Variants in TEKT2 observed in about 807,000 individuals in gnomAD.
TEKT2 encodes tektin-2.
In TEKT2, 45 loss-of-function variants were observed where a neutral mutation model predicts 49.8. That is an observed-to-expected ratio of 0.90 (90% confidence interval 0.71 to 1.16). The LOEUF (loss-of-function observed/expected upper bound fraction) is 1.16, where lower values mean the gene tolerates loss of function less well. TEKT2 is among the 50% of genes most tolerant of loss of function. The pLI is 0.00. For synonymous variants in TEKT2, 202 were observed against 224.6 expected, an observed-to-expected ratio of 0.90 and a Z score of 0.90; for missense variants, 523 against 551.4, an observed-to-expected ratio of 0.95 and a Z score of 0.52.
In TEKT2 at chr1:36,084,935, G is replaced by A. The variant is rs756536664; in HGVS notation, c.14G>A (p.Ser5Asn). 2 of 1,613,988 alleles carry A rather than the reference G, an allele frequency of 1.2e-6. No individual in the cohort carries two copies. Among genetic ancestry groups the A allele is most frequent in the South Asian group, 1.1e-5 (1 of 91,078 alleles). Residue 5 changes from serine (S) to asparagine (N), a missense_variant, in exon 2 of 10, where the codon AGC (serine) becomes AAC (asparagine). Coordinates refer to ENST00000207457, the MANE Select transcript of TEKT2 (RefSeq NM_014466.3). This position sits in a 1 kb window ranked among gnomAD's most constrained non-coding sequence, Gnocchi z 4.1. MATL[S>N]VKPSRRFQLP... ...GGTTTCTGTGCCATGGCCACGCTGA[G>A]CGTCAAGCCAAGTCGGCGCTTCCAG... is the stretch of plus-strand genomic sequence containing the variant.
intron 4 of TEKT2, 44 bp downstream of exon 4, chr1:36,086,085 G>A (rs1643368839): frequency 1.3e-6 from 2 of 1,546,794 alleles, no homozygotes; most frequent in Admixed American, 2.0e-5. Flanking sequence ...GGCCCCTGGA[G>A]GCTGTGTGCC....
At position 36,085,514 on chromosome 1, in the gene TEKT2, T is replaced by C. The variant is rs1264930061; in HGVS notation, c.282+226T>C. ...TTTTTCTTTCTTTCTTTTCTTTTTT[T>C]TTTTTTTTTTTTTTTTTTGAGACAG... On this transcript the variant is annotated intron_variant, in intron 3 of 9. Coordinates refer to ENST00000207457, the MANE Select transcript of TEKT2 (RefSeq NM_014466.3). Among the ~76,000 whole-genome samples, 372 of 134,628 alleles carry C rather than the reference T, an allele frequency of 2.8e-3. 1 individual carries two copies. The highest frequency in any genetic ancestry group is 9.2e-3 in the African/African-American group (327 of 35,452). The allele number at this position is 134,628 out of a possible 152,430, so 88.3% of individuals were successfully genotyped here.
At position 36,084,884 on chromosome 1, in the gene TEKT2, C is replaced by T. The variant is rs1232934106; in HGVS notation, c.-38C>T. 1 of 1,612,434 alleles carries T rather than the reference C, an allele frequency of 6.2e-7. No homozygotes were observed. Among genetic ancestry groups the T allele is most frequent in the African/African-American group, 1.3e-5 (1 of 74,890 alleles). On this transcript the variant is annotated 5_prime_UTR_variant, in exon 2 of 10. Transcript: ENST00000207457. The surrounding 1 kb of genome is among the most constrained non-coding windows in gnomAD (Gnocchi z 4.1). ...TCCCTCTGCAGGTGGTGTCTGTGAA[C>T]AGGCCTAGGGGTTTCTGACCCTTCT...
At position 36,084,531 on chromosome 1, in the gene TEKT2, G is replaced by C. The variant is rs1415047363; in HGVS notation, c.-52-339G>C. 1 of 339,082 alleles carries C rather than the reference G, an allele frequency of 2.9e-6. No individual in the cohort carries two copies. Among genetic ancestry groups the C allele is most frequent in the Non-Finnish European group, 5.6e-6 (1 of 177,826 alleles). The allele number at this position is 339,082 out of a possible 1,614,324, so 21.0% of individuals were successfully genotyped here. A position where few individuals can be genotyped will look rare whatever the true frequency, so the allele number is the denominator to read the frequency against. On this transcript the variant is annotated intron_variant, in intron 1 of 9. Coordinates refer to ENST00000207457, the MANE Select transcript of TEKT2 (RefSeq NM_014466.3). The surrounding 1 kb of genome is among the most constrained non-coding windows in gnomAD (Gnocchi z 4.1). ...ACAAGGCATGGTTGGCTGGGGGCAG[G>C]TGTGGAAAATGCATTAAGGGCAATT...
intron 3 of TEKT2, 58 bp from the exon 4 acceptor site, chr1:36,085,778 C>T (rs1409601479): frequency 1.3e-6 from 2 of 1,558,492 alleles, no homozygotes; most frequent in African/African-American, 1.4e-5. Flanking sequence ...ACTCGGCCTC[C>T]CGAAGTGCTG....
rs1643421607 is a variant in TEKT2, at chr1:36,088,269, G to T, written c.*83G>T. ...AGAAATGAATGGAATAAATGCAGAG[G>T]ATCTCAGGCCGGCTGTTCTCTGCCC... On this transcript the variant is annotated 3_prime_UTR_variant, in exon 10 of 10. Transcript: ENST00000207457. 22 of 1,283,196 alleles carry T rather than the reference G, an allele frequency of 1.7e-5. No individual in the cohort carries two copies. The highest frequency in any genetic ancestry group is 2.4e-5 in the Non-Finnish European group (22 of 910,698). 79.5% of individuals were successfully genotyped at this position (1,283,196 alleles called of 1,614,324 possible).
At chr1:36,086,279 T>A (rs886233305) in intron 4 of TEKT2, among the ~76,000 whole-genome samples, 1 of 152,124 alleles carries the variant, frequency 6.6e-6, no homozygotes, top group Admixed American at 6.5e-5. Context: ...ATTGGAAGCA[T>A]GAGAGGTGAC....
In TEKT2 at chr1:36,088,037, A is replaced by G. The variant is rs763634723; in HGVS notation, c.1144A>G (p.Asn382Asp). 6.8e-6 allele frequency: 11 copies of G among 1,612,792 alleles called. No individual in the cohort carries two copies. The South Asian group carries it at 1.2e-4, about 18-fold the overall frequency. Residue 382 changes from asparagine to aspartate, a missense_variant, in exon 10 of 10, where the codon AAC (asparagine) becomes GAC (aspartate). By Grantham distance (23) the Asn-to-Asp change is conservative (BLOSUM62 1). Coordinates refer to ENST00000207457, the MANE Select transcript of TEKT2 (RefSeq NM_014466.3). ...GCAGGCTGACATTGCCTGCAAGGCC[A>G]ACTCCATGCTGCTGGACACCAAGTG... ...RLQADIACKANSMLLDTKCMD... is the reference protein window; with the variant it reads ...RLQADIACKADSMLLDTKCMD...
chr1:36,087,971 A>G lies in TEKT2; in HGVS notation c.1080-2A>G. The G allele has an allele frequency of 6.2e-7, 1 of 1,608,656 alleles. No individual in the cohort carries two copies. Among genetic ancestry groups the G allele is most frequent in the East Asian group, 2.2e-5 (1 of 44,768 alleles). ...TGGGGGGTTGTCAATGTCCTTCCCTAGGGACGCACTGGACGCCCTGTGCAA... is the reference window on the plus strand; with the variant it reads ...TGGGGGGTTGTCAATGTCCTTCCCTGGGGACGCACTGGACGCCCTGTGCAA... On this transcript the variant is annotated splice_acceptor_variant, in intron 9 of 9. Coordinates refer to ENST00000207457, the MANE Select transcript of TEKT2 (RefSeq NM_014466.3). LOFTEE classifies it high-confidence loss of function. The surrounding 1 kb of genome is among the most constrained non-coding windows in gnomAD (Gnocchi z 4.9).
rs377734989 is a variant in TEKT2, at chr1:36,087,607, C to A, written c.999+25C>A. 2 of 1,613,390 alleles carry A rather than the reference C, an allele frequency of 1.2e-6. No homozygotes were observed. Among genetic ancestry groups the A allele is most frequent in the Admixed American group, 1.7e-5 (1 of 59,968 alleles). On this transcript the variant is annotated intron_variant, in intron 8 of 9. Coordinates refer to ENST00000207457, the MANE Select transcript of TEKT2 (RefSeq NM_014466.3). This position sits in a 1 kb window ranked among gnomAD's most constrained non-coding sequence, Gnocchi z 4.9. ...GGTGAGAGGGTGTCCCAGTGGCGCACGGGCCCCCTAGCCAAGGTTTTCTCA... is the reference window on the plus strand; with the variant it reads ...GGTGAGAGGGTGTCCCAGTGGCGCAAGGGCCCCCTAGCCAAGGTTTTCTCA...
Position 36,084,712 on chromosome 1 carries a change from A to AC in TEKT2, c.-52-156dup, listed in dbSNP as rs1385212280. ...CGGGAGGGAGGGAAACTTAGTTAATACCTCACACAAAGTTGAGTAAAGCAA... is the reference window on the plus strand; with the variant it reads ...CGGGAGGGAGGGAAACTTAGTTAATACCCTCACACAAAGTTGAGTAAAGCAA... On this transcript the variant is annotated intron_variant, in intron 1 of 9. Coordinates refer to ENST00000207457, the MANE Select transcript of TEKT2 (RefSeq NM_014466.3). This position sits in a 1 kb window ranked among gnomAD's most constrained non-coding sequence, Gnocchi z 4.1. Among the ~76,000 whole-genome samples, 1 of 152,146 alleles carries AC rather than the reference A, an allele frequency of 6.6e-6. No individual in the cohort carries two copies. The highest frequency in any genetic ancestry group is 1.5e-5 in the Non-Finnish European group (1 of 68,016).
At position 36,087,864 on chromosome 1, in the gene TEKT2, C is replaced by T. The variant is rs1422166234; in HGVS notation, c.1079+57C>T. On this transcript the variant is annotated intron_variant, in intron 9 of 9. Coordinates refer to ENST00000207457, the MANE Select transcript of TEKT2 (RefSeq NM_014466.3). The surrounding 1 kb of genome is among the most constrained non-coding windows in gnomAD (Gnocchi z 4.9). ...GAGACGCTGCCCACAAATGGGGCCT[C>T]TTGCTGGCTGCTGGCTCCCTGGGGC... 6.2e-7 allele frequency: 1 copy of T among 1,603,696 alleles called. No homozygotes were observed. Among genetic ancestry groups the T allele is most frequent in the Non-Finnish European group, 8.5e-7 (1 of 1,174,916 alleles).
chr1:36,087,153 C>T lies in TEKT2; in HGVS notation c.748-51C>T. On this transcript the variant is annotated intron_variant, in intron 6 of 9. Coordinates refer to ENST00000207457, the MANE Select transcript of TEKT2 (RefSeq NM_014466.3). This position sits in a 1 kb window ranked among gnomAD's most constrained non-coding sequence, Gnocchi z 4.9. ...CTGCCCCTCGCTTGAGTAATATCCT[C>T]AGGCAGCCCTGAGTGTAGACCCTCC... 2 of 1,610,472 alleles carry T rather than the reference C, an allele frequency of 1.2e-6. No individual in the cohort carries two copies. Among genetic ancestry groups the T allele is most frequent in the Non-Finnish European group, 1.7e-6 (2 of 1,177,056 alleles).
At chr1:36,085,730 G>C in intron 3 of TEKT2, 106 bp from the exon 4 acceptor site, 3 of 1,164,842 alleles carry the variant, frequency 2.6e-6, no homozygotes, top group East Asian at 2.6e-5. Context: ...ATTTTGGCCA[G>C]GCTGTTCTCG....
Position 36,085,086 on chromosome 1 carries a change from T to TG in TEKT2, c.156+12dup, listed in dbSNP as rs1162920203. On this transcript the variant is annotated intron_variant, in intron 2 of 9. Coordinates refer to ENST00000207457, the MANE Select transcript of TEKT2 (RefSeq NM_014466.3). ...ACGAGACCAACAACCAGGTTGGGGA[T>TG]GGGAACTCAGCTGGGTGGGCAAAGG... The TG allele has an allele frequency of 1.2e-6, 2 of 1,614,036 alleles. No homozygotes were observed. Among genetic ancestry groups the TG allele is most frequent in the Admixed American group, 3.3e-5 (2 of 60,010 alleles).
In TEKT2 at chr1:36,084,829, T is replaced by C. The variant is rs2124027821; in HGVS notation, c.-52-41T>C. 3 of 1,584,638 alleles carry C rather than the reference T, an allele frequency of 1.9e-6. No individual in the cohort carries two copies. The highest frequency in any genetic ancestry group is 2.6e-6 in the Non-Finnish European group (3 of 1,156,562). Reference sequence around the variant, plus strand: ...CGCAGGGGGCGTGTGATCCAGGAGGTCTCCGGAAAGGTCTCCCGCAGCAGT... The same window carrying C: ...CGCAGGGGGCGTGTGATCCAGGAGGCCTCCGGAAAGGTCTCCCGCAGCAGT... On this transcript the variant is annotated intron_variant, in intron 1 of 9. Transcript: ENST00000207457. This position sits in a 1 kb window ranked among gnomAD's most constrained non-coding sequence, Gnocchi z 4.1.
At position 36,087,176 on chromosome 1, in the gene TEKT2, T is replaced by A. The variant is rs1278956712; in HGVS notation, c.748-28T>A. The A allele has an allele frequency of 6.2e-7, 1 of 1,613,018 alleles. No individual in the cohort carries two copies. Among genetic ancestry groups the A allele is most frequent in the Admixed American group, 1.7e-5 (1 of 59,994 alleles). On this transcript the variant is annotated intron_variant, in intron 6 of 9. Transcript: ENST00000207457. The surrounding 1 kb of genome is among the most constrained non-coding windows in gnomAD (Gnocchi z 4.9). ...CTCAGGCAGCCCTGAGTGTAGACCC[T>A]CCCCTTGCCCTGTGTTTTCTCCTTC...
chr1:36,084,970 T>A lies in TEKT2; in HGVS notation c.49T>A (p.Trp17Arg). 3 of 1,614,086 alleles carry A rather than the reference T, an allele frequency of 1.9e-6. No homozygotes were observed. Among genetic ancestry groups the A allele is most frequent in the Non-Finnish European group, 1.7e-6 (2 of 1,180,040 alleles). ...KPSRRFQLPD[W>R]HTNSYLLSTN... ...AAGTCGGCGCTTCCAGCTGCCCGAC[T>A]GGCACACTAACAGCTACCTGCTATC... The change falls in exon 2 of 10, where the codon TGG becomes AGG. Residue 17 changes from tryptophan to arginine, a missense_variant. Transcript: ENST00000207457. The surrounding 1 kb of genome is among the most constrained non-coding windows in gnomAD (Gnocchi z 4.1).
In TEKT2 at chr1:36,085,961, G is replaced by A. The variant is rs1394457094; in HGVS notation, c.408G>A (p.Glu136=). The change falls in exon 4 of 10, where the codon GAG becomes GAA. Residue 136 remains glutamate (E), a synonymous_variant. Coordinates refer to ENST00000207457, the MANE Select transcript of TEKT2 (RefSeq NM_014466.3). Reference sequence around the variant, plus strand: ...TGGTGAAGGACCCTGTGGAGGATGAGCTGCATAAAGAGGTGGAGGTCATCG... The same window carrying A: ...TGGTGAAGGACCCTGTGGAGGATGAACTGCATAAAGAGGTGGAGGTCATCG... ...IDVVKDPVED[E]LHKEVEVIEA... is the part of the protein sequence containing the mutation. 1 of 1,613,308 alleles carries A rather than the reference G, an allele frequency of 6.2e-7. No individual in the cohort carries two copies. The highest frequency in any genetic ancestry group is 8.5e-7 in the Non-Finnish European group (1 of 1,179,706).
Sources: allele counts gnomAD v4.1 joint callset (sites outside exome capture counted in the v4.1 genomes callset), GRCh38; gene constraint gnomAD v4.1.1; non-coding constraint Gnocchi (gnomAD v3.1); transcripts MANE v1.5; gene names NCBI Gene and HGNC (gene_info 2026-07-23, HGNC 2026-07-21).